Variants in RARB observed in about 807,000 individuals in gnomAD.
RARB encodes HBV-activated protein.
RARB carries 17 observed loss-of-function variants against 51.9 expected under a neutral mutation model. The observed-to-expected ratio is 0.33, with a 90% confidence interval of 0.22 to 0.49. The LOEUF is 0.49. RARB is among the 20% of genes least tolerant of loss of function. The pLI is 0.99. For missense variants in RARB, 369 were observed against 550.8 expected (o/e 0.67, Z 3.30); for synonymous variants, 215 against 195.4 (o/e 1.10, Z -0.84).
chr3:25,545,922 AC>A (rs1699598807), intron 3 of RARB, among the ~76,000 whole-genome samples: 1 of 152,210 alleles, frequency 6.6e-6, no homozygotes, highest in Admixed American at 6.5e-5. Context: ...GTGAAATAAA[AC>A]CAGGAAGGGG....
chr3:25,168,747 A>G lies in RARB; in HGVS notation c.-279-5372A>G, dbSNP rs116459959. ...CGGAAATGGAGAGAAAATAGAGACA[A>G]TCAATTCTGAAGGTCTACCATCTAA... is the stretch of plus-strand genomic sequence containing the variant. On this transcript the variant is annotated intron_variant, in intron 4 of 11. Coordinates refer to the RARB transcript ENST00000383772. Among the ~76,000 whole-genome samples, 1,067 of 152,344 alleles carry G rather than the reference A, an allele frequency of 7.0e-3. 8 individuals are homozygous for G. The highest frequency in any genetic ancestry group is 0.023 in the African/African-American group (958 of 41,574).
At chr3:24,875,650 T>G (rs1366687722) in intron 2 of RARB, among the ~76,000 whole-genome samples, 1 of 152,120 alleles carries the variant, frequency 6.6e-6, no homozygotes, top group Admixed American at 6.6e-5. Context: ...ACAAAGATAT[T>G]TCAGGGAGTT....
chr3:25,081,761 T>C (rs1309638431), intron 3 of RARB, among the ~76,000 whole-genome samples: 1 of 147,426 alleles, frequency 6.8e-6, no homozygotes, highest in East Asian at 2.1e-4. Flanking sequence ...GCCTCCTGAG[T>C]AGCTGGGATT....
chr3:24,928,359 T>G (rs1258858532), intron 2 of RARB, among the ~76,000 whole-genome samples: 1 of 152,070 alleles, frequency 6.6e-6, no homozygotes, highest in East Asian at 1.9e-4. Flanking sequence ...CATTAAAATA[T>G]AACCCATCCT....
chr3:25,451,927 A>T (rs529248415), intron 1 of RARB, among the ~76,000 whole-genome samples: 17 of 152,352 alleles, frequency 1.1e-4, no homozygotes, highest in Admixed American at 9.1e-4. Flanking sequence ...TGTAAATATT[A>T]TGGGAATCCC....
At chr3:25,115,063 T>A (rs1191160267) in intron 3 of RARB, among the ~76,000 whole-genome samples, 2 of 152,188 alleles carry the variant, frequency 1.3e-5, no homozygotes, top group African/African-American at 2.4e-5. Context: ...TTGTAATTCC[T>A]TTTCTGTACA....
intron 1 of RARB, among the ~76,000 whole-genome samples, chr3:24,850,359 G>A (rs1315360786): frequency 6.6e-6 from 1 of 152,134 alleles, no homozygotes; most frequent in African/African-American, 2.4e-5. Flanking sequence ...AGCCTGAAAT[G>A]TTTCCTGCTT....
At chr3:24,956,282 C>A (rs1696012103) in intron 2 of RARB, among the ~76,000 whole-genome samples, 1 of 152,182 alleles carries the variant, frequency 6.6e-6, no homozygotes, top group Non-Finnish European at 1.5e-5. Flanking sequence ...TTCCAGGTCT[C>A]AGTTTTCTCA....
intron 1 of RARB, among the ~76,000 whole-genome samples, chr3:25,443,367 G>C (rs1474376124): frequency 6.6e-6 from 1 of 151,978 alleles, no homozygotes; most frequent in Non-Finnish European, 1.5e-5. Context: ...ATTTTCTGAT[G>C]GTACTTCCTG....
chr3:25,001,830 G>A (rs1484282975), intron 2 of RARB, among the ~76,000 whole-genome samples: 1 of 151,912 alleles, frequency 6.6e-6, no homozygotes. Context: ...TCACTACTAC[G>A]CATCCATGTG....
At chr3:25,154,429 G>A (rs1038837313) in intron 4 of RARB, among the ~76,000 whole-genome samples, 1 of 152,132 alleles carries the variant, frequency 6.6e-6, no homozygotes, top group Non-Finnish European at 1.5e-5. Flanking sequence ...CCTCATTAAT[G>A]TTCTTTGGAT....
chr3:25,047,835 T>C (rs1444518045), intron 2 of RARB, among the ~76,000 whole-genome samples: 1 of 152,186 alleles, frequency 6.6e-6, no homozygotes, highest in African/African-American at 2.4e-5. Context: ...CAGGATGATA[T>C]GGTTTTCTGT....
At chr3:25,306,982 A>G (rs1000328530) in intron 5 of RARB, among the ~76,000 whole-genome samples, 1 of 152,168 alleles carries the variant, frequency 6.6e-6, no homozygotes, top group East Asian at 1.9e-4. Flanking sequence ...GCTAAGAGAG[A>G]TACATTCCTT....
At chr3:25,364,475 A>G (rs898288421) in intron 5 of RARB, among the ~76,000 whole-genome samples, 1 of 152,214 alleles carries the variant, frequency 6.6e-6, no homozygotes, top group African/African-American at 2.4e-5. Flanking sequence ...GCTCATTCAC[A>G]TTCTAAGATT....
intron 3 of RARB, among the ~76,000 whole-genome samples, chr3:25,556,594 A>G (rs957459658): frequency 2.6e-5 from 4 of 152,228 alleles, no homozygotes; most frequent in Non-Finnish European, 5.9e-5. Flanking sequence ...TTCTGGTCCT[A>G]TAAATTACTG....
intron 2 of RARB, among the ~76,000 whole-genome samples, chr3:24,928,661 A>T (rs1013957715): frequency 2.6e-5 from 4 of 151,996 alleles, no homozygotes; most frequent in African/African-American, 9.7e-5. Context: ...ATGCTTTTCA[A>T]GGTCTTTTAC....
intron 2 of RARB, among the ~76,000 whole-genome samples, chr3:24,932,917 C>A (rs544591523): frequency 4.0e-4 from 61 of 151,866 alleles, no homozygotes; most frequent in African/African-American, 1.5e-3. Flanking sequence ...GAGAGAAAAC[C>A]CATATAATTT....
At chr3:25,420,547 C>T (rs1575388112) in intron 5 of RARB, among the ~76,000 whole-genome samples, 1 of 152,228 alleles carries the variant, frequency 6.6e-6, no homozygotes, top group Admixed American at 6.5e-5. Flanking sequence ...TCTGCCAGCA[C>T]ATTTCATCAG....
At chr3:25,574,614 C>G (rs1457252929) in intron 4 of RARB, among the ~76,000 whole-genome samples, 3 of 152,326 alleles carry the variant, frequency 2.0e-5, no homozygotes, top group South Asian at 4.1e-4. Context: ...CCGCTCATCA[C>G]CAGGTGGGGC....
Sources: gnomAD v4.1 joint callset for allele counts (sites outside exome capture counted in the v4.1 genomes callset) on GRCh38, gnomAD v4.1.1 for gene constraint, MANE v1.5 for transcripts, NCBI Gene and HGNC (gene_info 2026-07-23, HGNC 2026-07-21) for gene names.